CFAP70: variants seen among roughly 807,000 people sequenced by gnomAD.
CFAP70 encodes cilia and flagella associated protein 70.
In CFAP70, 81 loss-of-function variants were observed where a neutral mutation model predicts 137.6. That is an observed-to-expected ratio of 0.59 (90% CI 0.49 to 0.71). The LOEUF (loss-of-function observed/expected upper bound fraction) is 0.71, where lower values mean the gene tolerates loss of function less well. Ranked by LOEUF, CFAP70 falls within the 30% of genes least tolerant of loss-of-function variation. CFAP70 has a pLI of 0.00. For synonymous variants in CFAP70, 382 were observed against 423.6 expected (o/e 0.90, Z 1.20); for missense variants, 976 against 1,226.7 (o/e 0.80, Z 3.05).
chr10:73,339,376 A>G (rs2053023908), intron 6 of CFAP70, among the ~76,000 whole-genome samples: 1 of 152,192 alleles, frequency 6.6e-6, no homozygotes, highest in African/African-American at 2.4e-5. Context: ...ATAAGAAAGT[A>G]TCTAGAAGGA....
intron 8 of CFAP70, among the ~76,000 whole-genome samples, chr10:73,324,826 T>C (rs1447496320): frequency 6.6e-6 from 1 of 152,014 alleles, no homozygotes; most frequent in Non-Finnish European, 1.5e-5. Flanking sequence ...CCAAGAAATA[T>C]GGGACTATGT....
chr10:73,334,041 C>G (rs1034143673), intron 7 of CFAP70, among the ~76,000 whole-genome samples: 46 of 152,054 alleles, frequency 3.0e-4, no homozygotes, highest in Non-Finnish European at 5.9e-5. Flanking sequence ...TTTTTCTGCT[C>G]GATTTTTCTG....
intron 12 of CFAP70, among the ~76,000 whole-genome samples, chr10:73,305,583 T>C (rs1373449612): frequency 1.3e-5 from 2 of 152,218 alleles, no homozygotes; most frequent in Non-Finnish European, 2.9e-5. Context: ...TCTGTAAAGA[T>C]TGGCAGAAAA....
chr10:73,282,560 C>T lies in CFAP70; in HGVS notation c.2240-4223G>A, dbSNP rs536049853. Among the ~76,000 whole-genome samples, 184 of 152,060 alleles carry T rather than the reference C, an allele frequency of 1.2e-3. 2 individuals are homozygous for T. The highest frequency in any genetic ancestry group is 4.3e-3 in the African/African-American group (180 of 41,458). On this transcript the variant is annotated intron_variant, in intron 19 of 26. Coordinates refer to ENST00000310715, the Ensembl canonical transcript of CFAP70. ...GATTACAGGTGTGCACCACCACACC[C>T]GCCTAATTTTTGTATTTTCAGTAGA...
chr10:73,345,521 G>T (rs999537154), intron 4 of CFAP70, among the ~76,000 whole-genome samples: 2 of 152,028 alleles, frequency 1.3e-5, no homozygotes, highest in African/African-American at 2.4e-5. Flanking sequence ...CTGTTGAAAT[G>T]TTGGCCAGGC....
chr10:73,317,467 G>T (rs1365014752), intron 9 of CFAP70, among the ~76,000 whole-genome samples: 1 of 152,120 alleles, frequency 6.6e-6, no homozygotes, highest in Non-Finnish European at 1.5e-5. Context: ...GTGATGAGTT[G>T]TTTTTCTCCT....
intron 21 of CFAP70, chr10:73,276,282 A>C (rs2046733832): frequency 6.6e-6 from 1 of 152,022 alleles, no homozygotes; most frequent in Non-Finnish European, 1.5e-5. Flanking sequence ...AAGACCTACA[A>C]AATTAACAAA....
At chr10:73,354,786 A>C in exon 2 of CFAP70, 1 of 1,614,022 alleles carries the variant, frequency 6.2e-7, no homozygotes, top group African/African-American at 1.3e-5. Flanking sequence ...TGCTGATGGC[A>C]CTTGCTCCAT....
At chr10:73,354,894 A>G in intron 1 of CFAP70, 59 bp from the exon 2 acceptor site, 1 of 995,478 alleles carries the variant, frequency 1.0e-6, no homozygotes, top group Non-Finnish European at 1.6e-6. Context: ...AAGTACCCAT[A>G]TTCCATCATA....
chr10:73,320,875 C>A (rs1039914244), intron 9 of CFAP70, among the ~76,000 whole-genome samples: 1 of 151,974 alleles, frequency 6.6e-6, no homozygotes, highest in African/African-American at 2.4e-5. Flanking sequence ...CCATGTTGGC[C>A]AGGATGGTCT....
At chr10:73,332,145 T>C (rs2052172061) in intron 7 of CFAP70, among the ~76,000 whole-genome samples, 1 of 152,142 alleles carries the variant, frequency 6.6e-6, no homozygotes, top group African/African-American at 2.4e-5. Context: ...CAGAAGTCAA[T>C]GGTGCCAGCA....
chr10:73,300,741 T>C (rs1389342373), intron 12 of CFAP70, among the ~76,000 whole-genome samples: 1 of 152,172 alleles, frequency 6.6e-6, no homozygotes, highest in African/African-American at 2.4e-5. Context: ...TGTGTGCCTA[T>C]AGTTCCAGCT....
intron 25 of CFAP70, among the ~76,000 whole-genome samples, chr10:73,264,184 T>G (rs1053342880): frequency 5.9e-5 from 9 of 152,204 alleles, no homozygotes; most frequent in Non-Finnish European, 1.2e-4. Context: ...TTACTTTCCA[T>G]GCACTAGTTC....
chr10:73,350,319 T>C (rs1421057665), intron 3 of CFAP70, among the ~76,000 whole-genome samples: 1 of 120,618 alleles, frequency 8.3e-6, no homozygotes, highest in Non-Finnish European at 1.6e-5. Context: ...GGGTTTGATA[T>C]GTTATCAAAC....
At chr10:73,306,313 T>C (rs1354233872) in intron 12 of CFAP70, among the ~76,000 whole-genome samples, 1 of 151,996 alleles carries the variant, frequency 6.6e-6, no homozygotes, top group Non-Finnish European at 1.5e-5. Flanking sequence ...CTTCCCAAAT[T>C]TGGTGAAAGA....
At chr10:73,277,271 A>G in exon 21 of CFAP70, 2 of 1,614,060 alleles carry the variant, frequency 1.2e-6, no homozygotes, top group Non-Finnish European at 8.5e-7. Flanking sequence ...CAAGAAATGT[A>G]TGGTCTCCAT....
At chr10:73,277,168 A>T in intron 21 of CFAP70, 72 bp downstream of exon 22, 1 of 1,479,498 alleles carries the variant, frequency 6.8e-7, no homozygotes, top group Non-Finnish European at 9.1e-7. Context: ...AGCTTGAAAG[A>T]TACCATTATG....
chr10:73,288,845 C>T (rs1268551520), intron 19 of CFAP70, among the ~76,000 whole-genome samples: 1 of 152,222 alleles, frequency 6.6e-6, no homozygotes, highest in Non-Finnish European at 1.5e-5. Flanking sequence ...AACAGATTCT[C>T]TTTCCTTCTT....
intron 6 of CFAP70, among the ~76,000 whole-genome samples, chr10:73,338,730 T>C (rs1358683233): frequency 1.3e-5 from 2 of 151,576 alleles, no homozygotes; most frequent in Non-Finnish European, 1.5e-5. Flanking sequence ...TGTCTGGCCA[T>C]GTGGATCTTT....
Sources: gnomAD v4.1 joint callset for allele counts (sites outside exome capture counted in the v4.1 genomes callset) on GRCh38, gnomAD v4.1.1 for gene constraint, MANE v1.5 for transcripts, NCBI Gene and HGNC (gene_info 2026-07-23, HGNC 2026-07-21) for gene names.